The following CDR2L variants were observed in gnomAD, a reference collection of about 807,000 sequenced individuals.
CDR2L encodes the protein cerebellar degeneration related protein 2 like.
Under a neutral mutation model 36.1 loss-of-function variants are expected in CDR2L, and 19 were observed. The observed-to-expected ratio is 0.53, with a 90% CI of 0.37 to 0.77. CDR2L has a LOEUF of 0.77. Ranked by LOEUF, CDR2L falls within the 30% of genes least tolerant of loss-of-function variation. The pLI is 0.00. For synonymous variants in CDR2L, 285 were observed against 280.4 expected, an observed-to-expected ratio of 1.02 and a Z score of -0.16; for missense variants, 575 against 627.2, an observed-to-expected ratio of 0.92 and a Z score of 0.89.
At chr17:74,992,703 C>G (rs968324340) in intron 1 of CDR2L, among the ~76,000 whole-genome samples, 1 of 152,222 alleles carries the variant, frequency 6.6e-6, no homozygotes, top group African/African-American at 2.4e-5. Flanking sequence ...AGACCTGCCT[C>G]TCTGCCCCCA....
chr17:74,988,143 G>T, intron 1 of CDR2L, 21 bp downstream of exon 1: 1 of 1,487,764 alleles, frequency 6.7e-7, no homozygotes, highest in Non-Finnish European at 9.0e-7. Context: ...GGGCGACCGG[G>T]ACAGGAAGGC....
Position 74,999,490 on chromosome 17 carries a change from T to G in CDR2L, c.80-14T>G. On this transcript the variant is annotated splice_polypyrimidine_tract_variant and intron_variant, in intron 1 of 4. Transcript: ENST00000337231. Reference sequence around the variant, plus strand: ...TCTGCCTTTGTTCTCATGCTCGTGTTTCTCCTATCCTAGACTTGCACCTAG... The same window carrying G: ...TCTGCCTTTGTTCTCATGCTCGTGTGTCTCCTATCCTAGACTTGCACCTAG... 1 of 1,533,162 alleles carries G rather than the reference T, an allele frequency of 6.5e-7. No homozygotes were observed. The highest frequency in any genetic ancestry group is 1.2e-5 in the South Asian group (1 of 83,318). 95.0% of individuals were successfully genotyped at this position (1,533,162 alleles called of 1,614,324 possible).
chr17:74,999,325 C>CACACACACACACA (rs368672422), intron 1 of CDR2L, among the ~76,000 whole-genome samples, 179 bp from the exon 2 acceptor site: 1 of 150,976 alleles, frequency 6.6e-6, no homozygotes, highest in East Asian at 2.0e-4. Context: ...CAGACACACA[C>CACACACACACACA]AAAAAGAACA....
chr17:75,002,150 G>A lies in CDR2L; in HGVS notation c.428G>A (p.Arg143Gln), dbSNP rs942465620. 39 of 1,606,248 alleles carry A rather than the reference G, an allele frequency of 2.4e-5. No homozygotes were observed. The highest frequency in any genetic ancestry group is 3.4e-4 in the Middle Eastern group (2 of 5,926). The stretch of plus-strand genomic sequence containing the variant: ...CAACTGAGAGGCCTGGAACAGCTGC[G>A]AGTGCTCCGGGAGAAGCGGGAACGC... ...VEQLRGLEQL[R>Q]VLREKRERRR... The change falls in exon 4 of 5, where the codon CGA becomes CAA. Residue 143 changes from arginine to glutamine, a missense_variant. Coordinates refer to ENST00000337231, the MANE Select transcript of CDR2L (RefSeq NM_014603.3). This position sits in a 1 kb window ranked among gnomAD's most constrained non-coding sequence, Gnocchi z 4.1.
intron 1 of CDR2L, among the ~76,000 whole-genome samples, chr17:74,990,772 G>A (rs558647515): frequency 2.0e-5 from 3 of 152,358 alleles, no homozygotes; most frequent in African/African-American, 7.2e-5. Flanking sequence ...CAGGCATGGA[G>A]AGCTGGATGG....
rs1395043932 is a variant in CDR2L, at chr17:75,003,401, T to C, written c.725T>C (p.Leu242Pro). Residue 242 changes from leucine to proline, a missense_variant, in exon 5 of 5, where the codon CTG becomes CCG. By Grantham distance (98) the Leu-to-Pro change is moderately conservative. Coordinates refer to ENST00000337231, the MANE Select transcript of CDR2L (RefSeq NM_014603.3). Reference protein sequence around the residue: ...RQLCEMEACRLRVQELEAELL... With the variant: ...RQLCEMEACRPRVQELEAELL... ...CTGTGCGAGATGGAGGCCTGTCGCC[T>C]GCGTGTGCAGGAGCTGGAGGCCGAG... 5.1e-6 allele frequency: 8 copies of C among 1,567,702 alleles called. No individual in the cohort carries two copies. Among genetic ancestry groups the C allele is most frequent in the Non-Finnish European group, 6.9e-6 (8 of 1,157,422 alleles).
At chr17:74,994,826 C>T (rs1360879503) in intron 1 of CDR2L, among the ~76,000 whole-genome samples, 5 of 151,950 alleles carry the variant, frequency 3.3e-5, no homozygotes, top group African/African-American at 9.7e-5. Context: ...ATCCCAACAC[C>T]TTGGGAGGCT....
Position 74,999,577 on chromosome 17 carries a change from G to T in CDR2L, c.153G>T (p.Gln51His). ...AGGAGCTGGAGGGGTCCCTGCAGCA[G>T]ATGTACTCCACCAATGAGGAACAGG... is the stretch of plus-strand genomic sequence containing the variant. ...RNKELEGSLQ[Q>H]MYSTNEEQVQ... The change falls in exon 2 of 5, where the codon CAG becomes CAT. Residue 51 changes from glutamine (Q) to histidine (H), a missense_variant. Transcript: ENST00000337231. 1 of 1,586,616 alleles carries T rather than the reference G, an allele frequency of 6.3e-7. No individual in the cohort carries two copies. The highest frequency in any genetic ancestry group is 1.8e-5 in the Admixed American group (1 of 55,850).
In CDR2L at chr17:75,003,837, G is replaced by A; in HGVS notation, c.1161G>A (p.Gln387=). The A allele has an allele frequency of 6.4e-7, 1 of 1,571,352 alleles. No individual in the cohort carries two copies. The highest frequency in any genetic ancestry group is 8.6e-7 in the Non-Finnish European group (1 of 1,159,382). Residue 387 remains glutamine, a synonymous_variant, in exon 5 of 5, where the codon CAG becomes CAA. Transcript: ENST00000337231. ...HGAGVRHAGV[Q]TSRPISRDSS... ...CCGGAGTGCGGCACGCCGGCGTGCAGACCTCGCGCCCCATCTCCCGGGACA... is the reference window on the plus strand; with the variant it reads ...CCGGAGTGCGGCACGCCGGCGTGCAAACCTCGCGCCCCATCTCCCGGGACA...
At position 74,999,709 on chromosome 17, in the gene CDR2L, G is replaced by A. The variant is rs186731777; in HGVS notation, c.192+93G>A. On this transcript the variant is annotated intron_variant, in intron 2 of 4. Transcript: ENST00000337231. ...ACTTAGAATAAGGTGCCAGCTTATC[G>A]GACACAGCCTTAGCCCAATAGCCTG... is the stretch of plus-strand genomic sequence containing the variant. 6.0e-5 allele frequency: 43 copies of A among 712,242 alleles called. 1 individual carries two copies. The highest frequency in any genetic ancestry group is 4.1e-4 in the Admixed American group (16 of 38,782). 44.1% of individuals were successfully genotyped at this position (712,242 alleles called of 1,614,324 possible).
rs1272135559 is a variant in CDR2L, at chr17:75,003,309, G to A, written c.633G>A (p.Gln211=). 4 of 1,555,404 alleles carry A rather than the reference G, an allele frequency of 2.6e-6. No individual in the cohort carries two copies. Among genetic ancestry groups the A allele is most frequent in the Non-Finnish European group, 3.5e-6 (4 of 1,150,490 alleles). ...ALRSQVSQER[Q]RKERAEREYT... ...GCTCCCAGGTGAGCCAGGAGCGGCA[G>A]CGCAAGGAGCGGGCGGAGCGCGAGT... The change falls in exon 5 of 5, where the codon CAG becomes CAA. Residue 211 remains glutamine, a synonymous_variant. Coordinates refer to ENST00000337231, the MANE Select transcript of CDR2L (RefSeq NM_014603.3).
rs781232896 is a variant in CDR2L, at chr17:74,999,485, C to A, written c.80-19C>A. The stretch of plus-strand genomic sequence containing the variant: ...CGTCCTCTGCCTTTGTTCTCATGCT[C>A]GTGTTTCTCCTATCCTAGACTTGCA... On this transcript the variant is annotated intron_variant, in intron 1 of 4. Coordinates refer to ENST00000337231, the MANE Select transcript of CDR2L (RefSeq NM_014603.3). The A allele has an allele frequency of 3.3e-6, 5 of 1,500,954 alleles. No individual in the cohort carries two copies. The highest frequency in any genetic ancestry group is 1.2e-5 in the South Asian group (1 of 82,216). The allele number at this position is 1,500,954 out of a possible 1,614,324, so 93.0% of individuals were successfully genotyped here.
chr17:75,001,573 G>A (rs564740719), intron 3 of CDR2L, 84 bp downstream of exon 3: 1 of 1,248,460 alleles, frequency 8.0e-7, no homozygotes, highest in African/African-American at 1.5e-5. Context: ...ACTGATGGGT[G>A]TGACTTGTGC....
At chr17:74,995,069 CAAAA>C (rs34010923) in intron 1 of CDR2L, among the ~76,000 whole-genome samples, 1 of 90,772 alleles carries the variant, frequency 1.1e-5, no homozygotes. Flanking sequence ...GACTCAGTCT[CAAAA>C]AAAAAAAAAA....
chr17:74,987,961 C>T lies in CDR2L; in HGVS notation c.-83C>T, dbSNP rs562735697. Reference sequence around the variant, plus strand: ...CGAGTTCCCGACGCTGGAGGCCCGGCCCGCCTCAGCCGCATTGTCCCGGGC... The same window carrying T: ...CGAGTTCCCGACGCTGGAGGCCCGGTCCGCCTCAGCCGCATTGTCCCGGGC... On this transcript the variant is annotated 5_prime_UTR_variant, in exon 1 of 5. Transcript: ENST00000337231. The T allele has an allele frequency of 8.1e-3, 5,654 of 702,182 alleles. 259 individuals are homozygous for T. The African/African-American group carries it at 0.096, about 12-fold the overall frequency. The allele number at this position is 702,182 out of a possible 1,614,324, so 43.5% of individuals were successfully genotyped here.
In CDR2L at chr17:75,003,939, C is replaced by A. The variant is rs118188471; in HGVS notation, c.1263C>A (p.His421Gln). The A allele has an allele frequency of 6.2e-7, 1 of 1,610,876 alleles. No homozygotes were observed. Among genetic ancestry groups the A allele is most frequent in the Non-Finnish European group, 8.5e-7 (1 of 1,178,678 alleles). ...CAGGAGAGAAGAGCCTGAGCCAGCA[C>A]GTGGAGGCCGTGGACAAGCGGCTGG... ...VKAGEKSLSQ[H>Q]VEAVDKRLEQ... Residue 421 changes from histidine (H) to glutamine (Q), a missense_variant, in exon 5 of 5, where the codon CAC becomes CAA. Physicochemically the swap from His to Gln is conservative, Grantham distance 24. Transcript: ENST00000337231.
Position 75,003,309 on chromosome 17 carries a change from G to T in CDR2L, c.633G>T (p.Gln211His). 6.4e-7 allele frequency: 1 copy of T among 1,555,522 alleles called. No homozygotes were observed. Among genetic ancestry groups the T allele is most frequent in the Middle Eastern group, 1.7e-4 (1 of 5,724 alleles). ...GCTCCCAGGTGAGCCAGGAGCGGCA[G>T]CGCAAGGAGCGGGCGGAGCGCGAGT... is the stretch of plus-strand genomic sequence containing the variant. ...ALRSQVSQER[Q>H]RKERAEREYT... The change falls in exon 5 of 5, where the codon CAG becomes CAT. Residue 211 changes from glutamine to histidine, a missense_variant. Gln to His is a conservative substitution (Grantham distance 24). Transcript: ENST00000337231.
Position 75,003,807 on chromosome 17 carries a change from C to T in CDR2L, c.1131C>T (p.His377=). 6.5e-7 allele frequency: 1 copy of T among 1,542,278 alleles called. No individual in the cohort carries two copies. The highest frequency in any genetic ancestry group is 8.7e-7 in the Non-Finnish European group (1 of 1,142,860). ...YEELLSKCRQ[H]GAGVRHAGVQ... The stretch of plus-strand genomic sequence containing the variant: ...AGCTGCTGAGCAAGTGCCGGCAGCA[C>T]GGGGCCGGAGTGCGGCACGCCGGCG... Residue 377 remains histidine, a synonymous_variant, in exon 5 of 5, where the codon CAC becomes CAT. Coordinates refer to ENST00000337231, the MANE Select transcript of CDR2L (RefSeq NM_014603.3).
Position 75,002,043 on chromosome 17 carries a change from T to C in CDR2L, c.342-21T>C. 2.6e-6 allele frequency: 4 copies of C among 1,545,326 alleles called. No individual in the cohort carries two copies. The highest frequency in any genetic ancestry group is 3.5e-6 in the Non-Finnish European group (4 of 1,151,588). ...GCCCCATCCCCTTAAAGTCCCTGTG[T>C]GTCCACCACCCCGCCCCCAGGCTGA... On this transcript the variant is annotated intron_variant, in intron 3 of 4. Coordinates refer to ENST00000337231, the MANE Select transcript of CDR2L (RefSeq NM_014603.3). This position sits in a 1 kb window ranked among gnomAD's most constrained non-coding sequence, Gnocchi z 4.1.
Sources: gnomAD v4.1 joint callset for allele counts (sites outside exome capture counted in the v4.1 genomes callset) on GRCh38, gnomAD v4.1.1 for gene constraint, Gnocchi (gnomAD v3.1) non-coding constraint, MANE v1.5 for transcripts, NCBI Gene and HGNC (gene_info 2026-07-23, HGNC 2026-07-21) for gene names.